The following MEGF11 variants were observed in gnomAD, a reference collection of about 807,000 sequenced individuals.
The protein encoded by MEGF11 is multiple EGF like domains 11.
A neutral mutation model predicts 146.6 loss-of-function variants in MEGF11; 126 were observed. The observed-to-expected ratio is 0.86, with a 90% CI of 0.74 to 1.00. The LOEUF (loss-of-function observed/expected upper bound fraction) is 1.00, where lower values mean the gene tolerates loss of function less well. Among genes scored for constraint, MEGF11 ranks in the 50% least tolerant of loss-of-function variants. The probability of loss-of-function intolerance (pLI) is 0.00; values close to 1 mark genes in which losing one functional copy is unlikely to be tolerated. For missense variants in MEGF11, 1,509 were observed against 1,521.2 expected, an observed-to-expected ratio of 0.99 and a Z score of 0.13; for synonymous variants, 532 against 583.4, an observed-to-expected ratio of 0.91 and a Z score of 1.27.
rs1567180122 is a variant in MEGF11 at position 65,965,608 on chromosome 15, T to TTC, written c.900-489_900-488insGA. Among the ~76,000 whole-genome samples the TTC allele has an allele frequency of 2.6e-4, 18 of 68,868 alleles. 1 individual carries two copies. Among genetic ancestry groups the TTC allele is most frequent in the Non-Finnish European group, 6.1e-4 (17 of 27,778 alleles). The allele number at this position is 68,868 out of a possible 152,430, so 45.2% of individuals were successfully genotyped here. On this transcript the variant is annotated intron_variant, in intron 8 of 25. Coordinates refer to ENST00000395614, the MANE Select transcript of MEGF11 (RefSeq NM_001385028.1). ...TCTTTCTTTCTTTCTTTCTTTTTTT[T>TTC]TTTTCTTTTTTTTTTTTTTGGCTCT... is the stretch of plus-strand genomic sequence containing the variant.
At chr15:66,238,788 T>C (rs1567295194) in intron 1 of MEGF11, among the ~76,000 whole-genome samples, 1 of 152,186 alleles carries the variant, frequency 6.6e-6, no homozygotes, top group East Asian at 1.9e-4. Flanking sequence ...CACTCTTTTT[T>C]AAACTGCAAC....
At chr15:66,197,048 A>G (rs946113274) in intron 1 of MEGF11, among the ~76,000 whole-genome samples, 2 of 152,238 alleles carry the variant, frequency 1.3e-5, no homozygotes, top group Non-Finnish European at 2.9e-5. Flanking sequence ...ATCTGAGTAT[A>G]TGCTGGAGAT....
chr15:66,044,010 T>C, intron 5 of MEGF11, among the ~76,000 whole-genome samples: 1 of 152,200 alleles, frequency 6.6e-6, no homozygotes, highest in East Asian at 1.9e-4. Flanking sequence ...ACTGAAAAGA[T>C]GCAAGGGGTG....
intron 5 of MEGF11, among the ~76,000 whole-genome samples, chr15:66,039,848 CCTG>C (rs1567213565): frequency 0.013 from 38 of 3,034 alleles, no homozygotes; most frequent in Non-Finnish European, 0.025. Flanking sequence ...GGGTGACGGT[CCTG>C]AGCCGGGTCA....
At chr15:66,144,018 C>T (rs536954463) in intron 1 of MEGF11, among the ~76,000 whole-genome samples, 4 of 152,156 alleles carry the variant, frequency 2.6e-5, no homozygotes, top group African/African-American at 9.7e-5. Context: ...AAAGCTCCCC[C>T]ATCAGAGAGC....
Position 65,995,298 on chromosome 15 carries a change from G to A in MEGF11, c.395-12810C>T, listed in dbSNP as rs529546890. ...TCCATGGGGAAAGACCAAGTGTCTT[G>A]TTTTGTTTGTTTTCTAATCCATCAT... On this transcript the variant is annotated intron_variant, in intron 5 of 25. Coordinates refer to ENST00000395614, the MANE Select transcript of MEGF11 (RefSeq NM_001385028.1). Among the ~76,000 whole-genome samples the A allele has an allele frequency of 5.3e-5, 8 of 152,318 alleles. No homozygotes were observed. The South Asian group carries it at 1.7e-3, about 32-fold the overall frequency.
At chr15:66,097,307 G>C (rs911502154) in intron 4 of MEGF11, among the ~76,000 whole-genome samples, 1 of 152,150 alleles carries the variant, frequency 6.6e-6, no homozygotes, top group Admixed American at 6.5e-5. Context: ...AGGGAGGATG[G>C]AGGTGGCCAT....
chr15:66,159,767 G>A (rs1361091547), intron 1 of MEGF11, among the ~76,000 whole-genome samples: 3 of 152,100 alleles, frequency 2.0e-5, no homozygotes. Context: ...CTGAGGAGCT[G>A]GGAGAGAGCC....
intron 25 of MEGF11, 109 bp downstream of exon 25, chr15:65,898,619 C>T (rs1054596690): frequency 4.9e-5 from 74 of 1,519,628 alleles, no homozygotes; most frequent in Non-Finnish European, 5.9e-5. Flanking sequence ...TTAAAAGCAA[C>T]AAAAGAAGGA....
intron 1 of MEGF11, among the ~76,000 whole-genome samples, chr15:66,157,219 C>T (rs144193406): frequency 1.2e-4 from 18 of 152,332 alleles, no homozygotes; most frequent in Non-Finnish European, 2.2e-4. Flanking sequence ...CTAGTGACAT[C>T]TCCACGGGCA....
chr15:66,224,364 C>T (rs1190642551), intron 1 of MEGF11, among the ~76,000 whole-genome samples: 3 of 151,908 alleles, frequency 2.0e-5, no homozygotes, highest in South Asian at 2.1e-4. Context: ...CACTTGAGGC[C>T]GGGAGTTCGA....
At chr15:66,117,620 C>T (rs1308326936) in intron 4 of MEGF11, among the ~76,000 whole-genome samples, 2 of 152,188 alleles carry the variant, frequency 1.3e-5, no homozygotes, top group African/African-American at 4.8e-5. Context: ...TGAGCTTGCG[C>T]GGGCCGCTTA....
At chr15:66,003,785 A>C (rs1567197912) in intron 5 of MEGF11, among the ~76,000 whole-genome samples, 1 of 152,028 alleles carries the variant, frequency 6.6e-6, no homozygotes, top group Non-Finnish European at 1.5e-5. Context: ...CAGCCTTCCC[A>C]CTGCCCAGTC....
chr15:66,188,499 C>G (rs2090773980), intron 1 of MEGF11, among the ~76,000 whole-genome samples: 3 of 152,156 alleles, frequency 2.0e-5, no homozygotes, highest in Admixed American at 6.5e-5. Context: ...GGCATTTAAC[C>G]ACCGGTCAGA....
chr15:65,909,240 G>C, intron 22 of MEGF11, 105 bp from the exon 23 acceptor site: 1 of 821,614 alleles, frequency 1.2e-6, no homozygotes, highest in Non-Finnish European at 2.0e-6. Context: ...GGTGAGGCAG[G>C]CTGGGAGGAC....
chr15:66,183,086 A>C (rs895988532), intron 1 of MEGF11, among the ~76,000 whole-genome samples: 2 of 152,258 alleles, frequency 1.3e-5, no homozygotes, highest in Non-Finnish European at 2.9e-5. Flanking sequence ...ATGTTAATTT[A>C]AAACACACAC....
intron 24 of MEGF11, 34 bp from the exon 25 acceptor site, chr15:65,898,968 A>G (rs527929919): frequency 1.9e-6 from 3 of 1,607,910 alleles, no homozygotes; most frequent in Non-Finnish European, 2.6e-6. Context: ...AGGACAAGCA[A>G]GAATACAAGT....
Position 66,049,253 on chromosome 15 carries a change from C to T in MEGF11, c.394+45149G>A, listed in dbSNP as rs73483404. On this transcript the variant is annotated intron_variant, in intron 5 of 25. Coordinates refer to ENST00000395614, the MANE Select transcript of MEGF11 (RefSeq NM_001385028.1). ...AGGATCTAGTCCCTATTATCTTCCT[C>T]ATCACAGAAAGCCTGTATTCTAGGT... Among the ~76,000 whole-genome samples, 1,080 of 152,316 alleles carry T rather than the reference C, an allele frequency of 7.1e-3. 13 individuals carry two copies. The highest frequency in any genetic ancestry group is 0.025 in the African/African-American group (1,022 of 41,560).
intron 1 of MEGF11, among the ~76,000 whole-genome samples, chr15:66,247,957 G>C (rs1297668961): frequency 6.6e-6 from 1 of 151,370 alleles, no homozygotes; most frequent in East Asian, 1.9e-4. Flanking sequence ...GCACCAGCCT[G>C]GGCAACAAAA....
Sources: gnomAD v4.1 joint callset for allele counts (sites outside exome capture counted in the v4.1 genomes callset) on GRCh38, gnomAD v4.1.1 for gene constraint, MANE v1.5 for transcripts, NCBI Gene and HGNC (gene_info 2026-07-23, HGNC 2026-07-21) for gene names.